The following TENM3 variants were observed in gnomAD, a reference collection of about 807,000 sequenced individuals.
TENM3 encodes teneurin transmembrane protein 3.
TENM3 carries 63 observed loss-of-function variants against 255.1 expected under a neutral mutation model. The observed-to-expected ratio is 0.25, with a 90% CI of 0.20 to 0.30. TENM3 has a LOEUF of 0.30. Among genes scored for constraint, TENM3 ranks in the 10% least tolerant of loss-of-function variants. The pLI is 1.00. For missense variants in TENM3, 2,929 were observed against 3,461.1 expected (o/e 0.85, Z 3.86); for synonymous variants, 1,306 against 1,322.3 (o/e 0.99, Z 0.27).
At chr4:181,602,520 G>C in the TENM3 span, among the ~76,000 whole-genome samples, 1 of 152,118 alleles carries the variant, frequency 6.6e-6, no homozygotes, top group Non-Finnish European at 1.5e-5. Context: ...AACTTGAAAT[G>C]GAAATTCTAC....
chr4:182,544,397 C>CCCGGG (rs1741214195), intron 3 of TENM3, among the ~76,000 whole-genome samples: 4 of 121,984 alleles, frequency 3.3e-5, no homozygotes, highest in African/African-American at 1.3e-4. Flanking sequence ...GTGGTGTGAT[C>CCCGGG]TTGGCTCACT....
At position 182,734,281 on chromosome 4, in the gene TENM3, G is replaced by A. The variant is rs146435477; in HGVS notation, c.2968-2527G>A. On this transcript the variant is annotated intron_variant, in intron 16 of 27. Coordinates refer to ENST00000511685, the MANE Select transcript of TENM3 (RefSeq NM_001080477.4). ...GGCAAAAACAAGTCATGTTGTAGAG[G>A]GGACAATGGGGAAGGAGGCAGAAGA... is the stretch of plus-strand genomic sequence containing the variant. Among the ~76,000 whole-genome samples the A allele has an allele frequency of 3.5e-3, 535 of 152,208 alleles. 6 individuals are homozygous for A. Among genetic ancestry groups the A allele is most frequent in the African/African-American group, 0.012 (518 of 41,522 alleles).
rs566839553 is a variant in TENM3, at chr4:182,713,068, A to T, written c.2222-1019A>T. Among the ~76,000 whole-genome samples the T allele has an allele frequency of 6.5e-4, 99 of 152,284 alleles. 3 individuals are homozygous for T. The highest frequency in any genetic ancestry group is 2.2e-3 in the African/African-American group (91 of 41,548). ...GGAAGTGGCAAAAATTGTTTTTTTT[A>T]AATGTCATGTTAGACTGAAACAATT... On this transcript the variant is annotated intron_variant, in intron 12 of 27. Transcript: ENST00000511685.
the TENM3 span, among the ~76,000 whole-genome samples, chr4:181,474,148 C>T: frequency 6.6e-6 from 1 of 151,862 alleles, no homozygotes; most frequent in East Asian, 1.9e-4. Context: ...ACATCACACA[C>T]ACACCAGGGC....
chr4:181,476,382 A>C, the TENM3 span, among the ~76,000 whole-genome samples: 5 of 152,090 alleles, frequency 3.3e-5, no homozygotes, highest in Non-Finnish European at 7.4e-5. Context: ...CTGGGACGTG[A>C]GGGCAGGTTC....
At chr4:182,718,151 C>A (rs75054495) in intron 13 of TENM3, among the ~76,000 whole-genome samples, 3,988 of 151,800 alleles carry the variant, frequency 0.026, 185 homozygotes, top group African/African-American at 0.089. Context: ...ACATGTGAGA[C>A]GTTCAACTCA....
intron 22 of TENM3, among the ~76,000 whole-genome samples, chr4:182,762,671 G>A (rs1165412636): frequency 6.6e-6 from 1 of 152,152 alleles, no homozygotes. Flanking sequence ...AAAGTCCCTG[G>A]CCTATGTTTC....
At chr4:182,613,817 C>G (rs1749230534) in intron 4 of TENM3, among the ~76,000 whole-genome samples, 2 of 151,962 alleles carry the variant, frequency 1.3e-5, no homozygotes, top group African/African-American at 4.8e-5. Flanking sequence ...ATAGTAAAAC[C>G]AGTTTTTGTC....
At chr4:182,685,040 C>A (rs1299927452) in intron 11 of TENM3, among the ~76,000 whole-genome samples, 2 of 152,114 alleles carry the variant, frequency 1.3e-5, no homozygotes, top group African/African-American at 4.8e-5. Flanking sequence ...CAGATTGAAT[C>A]CTGGAAGCCC....
chr4:182,290,133 T>C (rs1401470519), intron 1 of TENM3, among the ~76,000 whole-genome samples: 1 of 152,226 alleles, frequency 6.6e-6, no homozygotes, highest in Non-Finnish European at 1.5e-5. Context: ...CGCTGTGGAC[T>C]AACTGGCGGG....
At chr4:182,423,315 G>A (rs1373382461) in intron 3 of TENM3, among the ~76,000 whole-genome samples, 1 of 152,120 alleles carries the variant, frequency 6.6e-6, no homozygotes, top group Non-Finnish European at 1.5e-5. Context: ...ACTCCTTCAC[G>A]TCTTTAAAAT....
At chr4:181,611,685 T>C in the TENM3 span, among the ~76,000 whole-genome samples, 1 of 152,230 alleles carries the variant, frequency 6.6e-6, no homozygotes, top group Non-Finnish European at 1.5e-5. Context: ...TTGACAATTA[T>C]AGAGTTATAA....
chr4:182,295,399 C>CTAGGATTACAG (rs2150344809), intron 1 of TENM3, among the ~76,000 whole-genome samples: 1 of 151,050 alleles, frequency 6.6e-6, no homozygotes, highest in African/African-American at 2.4e-5. Context: ...TCCCAAGTGG[C>CTAGGATTACAG]TAGGATTACA....
At chr4:182,594,297 G>A (rs1746964887) in intron 3 of TENM3, among the ~76,000 whole-genome samples, 1 of 152,088 alleles carries the variant, frequency 6.6e-6, no homozygotes. Flanking sequence ...GAACCACTGA[G>A]CCTGGCCCTA....
chr4:181,716,458 T>C, the TENM3 span, among the ~76,000 whole-genome samples: 1 of 152,342 alleles, frequency 6.6e-6, no homozygotes, highest in South Asian at 2.1e-4. Flanking sequence ...ATCAGCCATA[T>C]TTTAATTGCT....
At chr4:182,369,016 A>G (rs571496733) in intron 3 of TENM3, among the ~76,000 whole-genome samples, 1 of 152,276 alleles carries the variant, frequency 6.6e-6, no homozygotes, top group East Asian at 1.9e-4. Context: ...TCGCTCCAAA[A>G]TCCTTTGCCC....
At chr4:181,884,864 T>C in the TENM3 span, among the ~76,000 whole-genome samples, 1 of 152,140 alleles carries the variant, frequency 6.6e-6, no homozygotes. Flanking sequence ...CCTTTATCTA[T>C]TATGATTTGA....
chr4:182,435,852 G>C (rs1772000253), intron 3 of TENM3, among the ~76,000 whole-genome samples: 1 of 151,984 alleles, frequency 6.6e-6, no homozygotes, highest in Non-Finnish European at 1.5e-5. Flanking sequence ...ACATAAGGAA[G>C]ACCTGAAGTT....
chr4:182,468,741 A>G (rs966258410), intron 3 of TENM3, among the ~76,000 whole-genome samples: 15 of 151,946 alleles, frequency 9.9e-5, no homozygotes, highest in African/African-American at 1.5e-4. Context: ...CTTCAATACT[A>G]TGTTAGGCTC....
Sources: allele counts gnomAD v4.1 joint callset (sites outside exome capture counted in the v4.1 genomes callset), GRCh38; gene constraint gnomAD v4.1.1; transcripts MANE v1.5; gene names NCBI Gene and HGNC (gene_info 2026-07-23, HGNC 2026-07-21).